The following NEK2 variants were observed in gnomAD, a reference collection of about 807,000 sequenced individuals.
NEK2 encodes the protein NIMA related kinase 2, also known as serine/threonine-protein kinase Nek2.
In NEK2, 28 loss-of-function variants were observed where a neutral mutation model predicts 54.1. That is an observed-to-expected ratio of 0.52 (90% CI 0.38 to 0.71). The LOEUF is 0.71. Among genes scored for constraint, NEK2 ranks in the 30% least tolerant of loss-of-function variants. NEK2 has a pLI of 0.00. For missense variants in NEK2, 407 were observed against 531.5 expected (o/e 0.77, Z 2.30); for synonymous variants, 176 against 193.1 (o/e 0.91, Z 0.73).
intron 3 of NEK2, among the ~76,000 whole-genome samples, chr1:211,672,780 G>A (rs1421338613): frequency 6.6e-6 from 1 of 152,068 alleles, no homozygotes; most frequent in Non-Finnish European, 1.5e-5. Context: ...ACTCTTGAGG[G>A]CAAGGACAAA....
At chr1:211,660,397 T>C, downstream of NEK2, 2 of 669,678 alleles carry the variant, frequency 3.0e-6, no homozygotes, top group Admixed American at 3.7e-5. Context: ...CTAATTCTCC[T>C]TCAGGATCTG....
intron 7 of NEK2, among the ~76,000 whole-genome samples, chr1:211,665,758 C>T (rs1296543835): frequency 6.6e-6 from 1 of 152,164 alleles, no homozygotes; most frequent in Non-Finnish European, 1.5e-5. Context: ...TCATTTACTT[C>T]TATCAGTAGT....
chr1:211,672,642 AACCC>A (rs953231866), intron 3 of NEK2, among the ~76,000 whole-genome samples: 210 of 151,654 alleles, frequency 1.4e-3, no homozygotes, highest in African/African-American at 5.0e-3. Context: ...AGAGTTCAAG[AACCC>A]ACCCAGAGAT....
In NEK2 at chr1:211,674,520, T is replaced by C. The variant is rs1655515290; in HGVS notation, c.97-7A>G. The stretch of plus-strand genomic sequence containing the variant: ...GTTCTTTCCAAACTAATATCTGAAA[T>C]AAGAATTTCCAAGGTATGAATGAAC... On this transcript the variant is annotated splice_region_variant and splice_polypyrimidine_tract_variant and intron_variant, in intron 1 of 7. Coordinates refer to ENST00000366999, the MANE Select transcript of NEK2 (RefSeq NM_002497.4). 1.3e-6 allele frequency: 2 copies of C among 1,591,446 alleles called. No individual in the cohort carries two copies. The highest frequency in any genetic ancestry group is 1.7e-6 in the Non-Finnish European group (2 of 1,165,282).
intron 3 of NEK2, among the ~76,000 whole-genome samples, chr1:211,671,514 A>G (rs1461044341): frequency 6.6e-6 from 1 of 152,264 alleles, no homozygotes; most frequent in Non-Finnish European, 1.5e-5. Context: ...AGTGCTTAGT[A>G]TAGACTAGGC....
downstream of NEK2, chr1:211,660,658 T>C (rs1654993583): frequency 9.1e-6 from 6 of 658,492 alleles, no homozygotes; most frequent in South Asian, 5.7e-5. Flanking sequence ...GAAAACTGTC[T>C]TGTACTTGAC....
intron 6 of NEK2, among the ~76,000 whole-genome samples, chr1:211,668,908 T>C (rs1053308248): frequency 6.6e-6 from 1 of 152,196 alleles, no homozygotes; most frequent in African/African-American, 2.4e-5. Context: ...TAGCAACTGA[T>C]CTCAGAGAAA....
At chr1:211,674,537 T>C (rs929994638) in intron 1 of NEK2, 24 bp from the exon 2 acceptor site, 6 of 1,536,862 alleles carry the variant, frequency 3.9e-6, no homozygotes, top group South Asian at 2.3e-5. Flanking sequence ...TTCCAAGGTA[T>C]GAATGAACTC....
rs531718062 is a variant in NEK2, at chr1:211,673,555, C to T, written c.483G>A (p.Gly161=). Residue 161 remains glycine, a synonymous_variant, in exon 3 of 8, where the codon GGG becomes GGA. Transcript: ENST00000366999. ...TGTCATGGTTTAATATTCTAGCTAG[C>T]CCAAAGTCTCCAAGCTTGACGTTTT... is the stretch of plus-strand genomic sequence containing the variant. ...GKQNVKLGDF[G]LARILNHDTS... 1 of 1,614,060 alleles carries T rather than the reference C, an allele frequency of 6.2e-7. No homozygotes were observed. Among genetic ancestry groups the T allele is most frequent in the East Asian group, 2.2e-5 (1 of 44,894 alleles).
chr1:211,670,088 G>A (rs1299938863), intron 5 of NEK2, among the ~76,000 whole-genome samples, 193 bp downstream of exon 5: 4 of 152,190 alleles, frequency 2.6e-5, no homozygotes, highest in Admixed American at 6.5e-5. Flanking sequence ...TAAAGAAAGC[G>A]CAGAAGGTGG....
At chr1:211,668,277 G>A (rs551685143) in intron 6 of NEK2, among the ~76,000 whole-genome samples, 112 of 152,070 alleles carry the variant, frequency 7.4e-4, no homozygotes, top group Non-Finnish European at 1.4e-3. Flanking sequence ...CCCATCTCTC[G>A]TCTCCTGATG....
downstream of NEK2, chr1:211,661,253 T>C: frequency 1.5e-6 from 1 of 671,192 alleles, no homozygotes; most frequent in Non-Finnish European, 2.8e-6. Flanking sequence ...CTCCATTCAT[T>C]CTGAGGGAGG....
downstream of NEK2, chr1:211,661,361 T>C: frequency 2.5e-6 from 1 of 396,836 alleles, no homozygotes; most frequent in South Asian, 2.6e-5. Context: ...TAATTTTCTA[T>C]CAAATGCATT....
intron 7 of NEK2, 174 bp downstream of exon 7, chr1:211,666,932 A>G: frequency 7.1e-7 from 1 of 1,409,518 alleles, no homozygotes; most frequent in Non-Finnish European, 9.2e-7. Context: ...CAGGAAATAA[A>G]TCATTGCTAT....
intron 4 of NEK2, 133 bp from the exon 5 acceptor site, chr1:211,670,540 C>T (rs1655341067): frequency 3.7e-6 from 4 of 1,068,392 alleles, no homozygotes; most frequent in Middle Eastern, 5.0e-4. Flanking sequence ...CTGGGATTTT[C>T]TTCTTATAAG....
intron 4 of NEK2, 90 bp downstream of exon 4, chr1:211,671,112 C>T (rs1409384722): frequency 3.1e-5 from 30 of 970,882 alleles, no homozygotes; most frequent in Middle Eastern, 3.1e-4. Context: ...AATATACTTT[C>T]GTTAGCACAG....
In NEK2 at chr1:211,673,645, A is replaced by G. The variant is rs373633768; in HGVS notation, c.393T>C (p.Ser131=). The change falls in exon 3 of 8, where the codon AGT becomes AGC. Residue 131 remains serine (S), a synonymous_variant. Transcript: ENST00000366999. Reference sequence around the variant, plus strand: ...GATGCAATACGGTATGACCACCATCACTTCGTCTGTGGCATTCCTTCAGGG... The same window carrying G: ...GATGCAATACGGTATGACCACCATCGCTTCGTCTGTGGCATTCCTTCAGGG... ...TLALKECHRR[S]DGGHTVLHRD... is the part of the protein sequence containing the mutation. 9 of 1,614,050 alleles carry G rather than the reference A, an allele frequency of 5.6e-6. No homozygotes were observed. In the African/African-American group the frequency reaches 9.3e-5, roughly 17 times the overall value.
intron 3 of NEK2, among the ~76,000 whole-genome samples, chr1:211,672,941 C>T (rs2102446644): frequency 6.6e-6 from 1 of 152,036 alleles, no homozygotes; most frequent in Admixed American, 6.6e-5. Flanking sequence ...AGGAATCTGT[C>T]TTCATCATAC....
At position 211,663,579 on chromosome 1, in the gene NEK2, C is replaced by A. The variant is rs544555116; in HGVS notation, c.1185G>T (p.Met395Ile). The change falls in exon 8 of 8, where the codon ATG becomes ATT. Residue 395 changes from methionine to isoleucine, a missense_variant. Coordinates refer to ENST00000366999, the MANE Select transcript of NEK2 (RefSeq NM_002497.4). ...HFSGESKENIMRSENSESQLT... is the reference protein window; with the variant it reads ...HFSGESKENIIRSENSESQLT... ...GCTGACTCTCAGAATTCTCACTCCT[C>A]ATGATGTTCTCTTTACTTTCCCCAC... is the stretch of plus-strand genomic sequence containing the variant. The A allele has an allele frequency of 1.2e-6, 2 of 1,613,868 alleles. No individual in the cohort carries two copies. Among genetic ancestry groups the A allele is most frequent in the African/African-American group, 1.3e-5 (1 of 75,054 alleles).
Sources: gnomAD v4.1 joint callset for allele counts (sites outside exome capture counted in the v4.1 genomes callset) on GRCh38, gnomAD v4.1.1 for gene constraint, MANE v1.5 for transcripts, NCBI Gene and HGNC (gene_info 2026-07-23, HGNC 2026-07-21) for gene names.